Variants in CPA6 observed in about 807,000 individuals in gnomAD.
CPA6 encodes carboxypeptidase B.
CPA6 carries 58 observed loss-of-function variants against 63.3 expected under a neutral mutation model. That is an observed-to-expected ratio of 0.92 (90% confidence interval 0.74 to 1.14). The LOEUF (loss-of-function observed/expected upper bound fraction) is 1.14, where lower values mean the gene tolerates loss of function less well. CPA6 is among the 50% of genes most tolerant of loss of function. The probability of loss-of-function intolerance (pLI) is 0.00; values close to 1 mark genes in which losing one functional copy is unlikely to be tolerated. For synonymous variants in CPA6, 185 were observed against 179.0 expected (o/e 1.03, Z -0.27); for missense variants, 565 against 526.6 (o/e 1.07, Z -0.71).
chr8:67,589,112 T>TA (rs1564012635), intron 2 of CPA6, among the ~76,000 whole-genome samples: 1 of 147,834 alleles, frequency 6.8e-6, no homozygotes, highest in Non-Finnish European at 1.5e-5. Flanking sequence ...AGCAAGACTC[T>TA]TAAAAAAAAA....
chr8:67,628,909 G>T (rs966411981), intron 1 of CPA6, among the ~76,000 whole-genome samples: 4 of 152,334 alleles, frequency 2.6e-5, no homozygotes, highest in African/African-American at 7.2e-5. Context: ...AAGATCAAGA[G>T]ATTGAGACAA....
chr8:67,584,510 T>C (rs1813872186), intron 2 of CPA6, among the ~76,000 whole-genome samples: 2 of 152,072 alleles, frequency 1.3e-5, no homozygotes, highest in Non-Finnish European at 2.9e-5. Flanking sequence ...AATGTTATGA[T>C]TTTTTTTGAT....
chr8:67,672,870 T>C (rs1474370508), intron 1 of CPA6, among the ~76,000 whole-genome samples: 1 of 152,174 alleles, frequency 6.6e-6, no homozygotes, highest in Non-Finnish European at 1.5e-5. Flanking sequence ...GCTTCTAGGA[T>C]GATGCAGGCA....
chr8:67,430,171 G>GTGTGTGTGTA (rs1225024769), intron 9 of CPA6, among the ~76,000 whole-genome samples: 18 of 104,878 alleles, frequency 1.7e-4, no homozygotes, highest in African/African-American at 7.2e-4. Flanking sequence ...GTGTGTGTGT[G>GTGTGTGTGTA]TATATATTTT....
At chr8:67,449,014 G>T (rs1810497624) in intron 8 of CPA6, among the ~76,000 whole-genome samples, 1 of 152,186 alleles carries the variant, frequency 6.6e-6, no homozygotes, top group Non-Finnish European at 1.5e-5. Flanking sequence ...CACTTTGGGA[G>T]GCTGAAGAGG....
chr8:67,448,718 AAAG>A (rs1156527164), intron 8 of CPA6, among the ~76,000 whole-genome samples: 1 of 151,160 alleles, frequency 6.6e-6, no homozygotes, highest in Non-Finnish European at 1.5e-5. Context: ...AAAAAGAAAA[AAAG>A]AAAGTTTTCC....
chr8:67,454,495 C>G (rs1366611023), intron 8 of CPA6, among the ~76,000 whole-genome samples: 1 of 152,086 alleles, frequency 6.6e-6, no homozygotes, highest in Non-Finnish European at 1.5e-5. Context: ...AAAACAACAA[C>G]AAAAAATGTG....
At chr8:67,725,722 G>T (rs1432798777) in intron 1 of CPA6, among the ~76,000 whole-genome samples, 1 of 152,078 alleles carries the variant, frequency 6.6e-6, no homozygotes. Flanking sequence ...ACAAGGTATT[G>T]CTGTGTCACT....
At chr8:67,609,319 G>A (rs1814743595) in intron 2 of CPA6, among the ~76,000 whole-genome samples, 2 of 152,128 alleles carry the variant, frequency 1.3e-5, no homozygotes, top group Non-Finnish European at 2.9e-5. Context: ...ATTATTCAAG[G>A]ATTTGATGAT....
At chr8:67,445,310 G>T (rs1810387288) in intron 8 of CPA6, among the ~76,000 whole-genome samples, 1 of 152,138 alleles carries the variant, frequency 6.6e-6, no homozygotes, top group Admixed American at 6.5e-5. Context: ...TTTGATACGA[G>T]AAAGTTCTAG....
At chr8:67,599,158 A>G (rs1055444137) in intron 2 of CPA6, among the ~76,000 whole-genome samples, 1 of 152,230 alleles carries the variant, frequency 6.6e-6, no homozygotes, top group Non-Finnish European at 1.5e-5. Flanking sequence ...ATGTAAAAAC[A>G]CTAAGAGTAG....
At chr8:67,647,032 G>C (rs1013104310) in intron 1 of CPA6, among the ~76,000 whole-genome samples, 2 of 152,148 alleles carry the variant, frequency 1.3e-5, no homozygotes, top group African/African-American at 4.8e-5. Context: ...TACAGGGAAA[G>C]GGAAGAGAAA....
At chr8:67,601,624 C>G (rs988963968) in intron 2 of CPA6, among the ~76,000 whole-genome samples, 13 of 152,126 alleles carry the variant, frequency 8.5e-5, no homozygotes, top group African/African-American at 3.1e-4. Flanking sequence ...ACTTGAGGAT[C>G]TGTGAAAATA....
At chr8:67,454,049 C>T (rs1473812927) in intron 8 of CPA6, among the ~76,000 whole-genome samples, 1 of 152,228 alleles carries the variant, frequency 6.6e-6, no homozygotes, top group Admixed American at 6.5e-5. Context: ...ATTGATTCAG[C>T]AGCAGAATGG....
At chr8:67,618,888 T>G (rs567129360) in intron 2 of CPA6, among the ~76,000 whole-genome samples, 1 of 152,308 alleles carries the variant, frequency 6.6e-6, no homozygotes, top group South Asian at 2.1e-4. Flanking sequence ...TAACTTTATT[T>G]AAATCATGGT....
At position 67,430,856 on chromosome 8, in the gene CPA6, CT is replaced by C. The variant is rs144435533; in HGVS notation, c.1042-2726del. 3.0e-3 allele frequency among the ~76,000 whole-genome samples: 445 copies of C among 149,704 alleles called. 2 individuals are homozygous for C. Among genetic ancestry groups the C allele is most frequent in the African/African-American group, 5.0e-3 (205 of 40,880 alleles). On this transcript the variant is annotated intron_variant, in intron 9 of 10. Transcript: ENST00000297770. ...GATGTCCATGGGGAAGCAAATTCAT[CT>C]TTTTTTTTTCTTTCCTTTCTTTGAG...
At chr8:67,443,967 G>A (rs1248227311) in intron 8 of CPA6, among the ~76,000 whole-genome samples, 1 of 151,752 alleles carries the variant, frequency 6.6e-6, no homozygotes, top group Non-Finnish European at 1.5e-5. Flanking sequence ...TACCTCTCTG[G>A]CTTGGCCAAC....
chr8:67,432,539 A>G (rs1321597408), intron 9 of CPA6, among the ~76,000 whole-genome samples: 5 of 152,146 alleles, frequency 3.3e-5, no homozygotes, highest in Non-Finnish European at 7.3e-5. Context: ...GTCTCACTGC[A>G]GCCCTGACCT....
intron 1 of CPA6, among the ~76,000 whole-genome samples, chr8:67,726,079 G>T (rs1452455605): frequency 2.0e-5 from 3 of 152,024 alleles, no homozygotes; most frequent in Non-Finnish European, 4.4e-5. Context: ...TTTAATCAAG[G>T]TTTTAGAACT....
Sources: allele counts gnomAD v4.1 joint callset (sites outside exome capture counted in the v4.1 genomes callset), GRCh38; gene constraint gnomAD v4.1.1; transcripts MANE v1.5; gene names NCBI Gene and HGNC (gene_info 2026-07-23, HGNC 2026-07-21).